TMEM163: variants seen among roughly 807,000 people sequenced by gnomAD.
TMEM163 encodes transmembrane protein 163.
In TMEM163, 17 loss-of-function variants were observed where a neutral mutation model predicts 29.3. The ratio of observed to expected loss-of-function variants is 0.58; its 90% CI spans 0.40 to 0.87. TMEM163 has a LOEUF of 0.87. Ranked by LOEUF, TMEM163 falls within the 40% of genes least tolerant of loss-of-function variation. The pLI, the probability that TMEM163 is intolerant of heterozygous loss-of-function variation, is 0.00. For synonymous variants in TMEM163, 157 were observed against 160.6 expected, an observed-to-expected ratio of 0.98 and a Z score of 0.17; for missense variants, 303 against 381.5, an observed-to-expected ratio of 0.79 and a Z score of 1.71.
chr2:134,462,982 G>C (rs1239880043), intron 6 of TMEM163, among the ~76,000 whole-genome samples: 1 of 152,244 alleles, frequency 6.6e-6, no homozygotes, highest in African/African-American at 2.4e-5. Context: ...CTGCGAGCCA[G>C]AGGGACTTGA....
chr2:134,542,878 G>T (rs1396617777), intron 4 of TMEM163, among the ~76,000 whole-genome samples: 1 of 152,152 alleles, frequency 6.6e-6, no homozygotes, highest in Non-Finnish European at 1.5e-5. Context: ...TTGGCCTGTA[G>T]ATGCATTACT....
intron 2 of TMEM163, among the ~76,000 whole-genome samples, chr2:134,634,127 C>T (rs1441542460): frequency 6.6e-6 from 1 of 151,208 alleles, no homozygotes; most frequent in African/African-American, 2.4e-5. Context: ...CAAACATAGG[C>T]AGCAAAAGTT....
intron 5 of TMEM163, among the ~76,000 whole-genome samples, chr2:134,492,811 T>C (rs961559228): frequency 6.6e-5 from 10 of 152,216 alleles, no homozygotes; most frequent in African/African-American, 2.4e-4. Context: ...AATAAACATT[T>C]GTGTAAGAGT....
chr2:134,490,749 C>A lies in TMEM163; in HGVS notation c.555+12152G>T, dbSNP rs111996126. Among the ~76,000 whole-genome samples, 20 of 152,238 alleles carry A rather than the reference C, an allele frequency of 1.3e-4. 1 individual carries two copies. The highest frequency in any genetic ancestry group is 5.2e-4 in the Admixed American group (8 of 15,300). ...CTCCTATGATAGATGGAGGCTGGAA[C>A]ACATGTCACATGTCACGTAAAGGGG... On this transcript the variant is annotated intron_variant, in intron 5 of 7. Coordinates refer to ENST00000281924, the MANE Select transcript of TMEM163 (RefSeq NM_030923.5).
chr2:134,627,911 G>T (rs1682888226), intron 2 of TMEM163, among the ~76,000 whole-genome samples: 1 of 152,104 alleles, frequency 6.6e-6, no homozygotes, highest in African/African-American at 2.4e-5. Context: ...AATTTAAGAA[G>T]AAATAGAAAT....
chr2:134,682,691 C>T (rs1039320590), intron 2 of TMEM163, among the ~76,000 whole-genome samples: 12 of 152,140 alleles, frequency 7.9e-5, no homozygotes, highest in African/African-American at 1.9e-4. Context: ...TCATTACTGC[C>T]GGGAATACAA....
intron 1 of TMEM163, among the ~76,000 whole-genome samples, chr2:134,718,352 GC>G (rs1685082785): frequency 6.6e-6 from 1 of 152,238 alleles, no homozygotes; most frequent in Admixed American, 6.5e-5. Context: ...GATGCAACGA[GC>G]CTGGGTCCCT....
chr2:134,675,737 G>A (rs576737881), intron 2 of TMEM163, among the ~76,000 whole-genome samples: 1 of 152,188 alleles, frequency 6.6e-6, no homozygotes, highest in Non-Finnish European at 1.5e-5. Flanking sequence ...GCAGCCTCCA[G>A]TGAAACAGCA....
chr2:134,657,299 AAT>A (rs1219321179), intron 2 of TMEM163, among the ~76,000 whole-genome samples: 2 of 152,172 alleles, frequency 1.3e-5, no homozygotes, highest in Non-Finnish European at 2.9e-5. Flanking sequence ...TCAGGATTTC[AAT>A]TTTTTCCTGA....
At chr2:134,463,878 A>G (rs1686605041) in intron 6 of TMEM163, among the ~76,000 whole-genome samples, 1 of 152,206 alleles carries the variant, frequency 6.6e-6, no homozygotes, top group Non-Finnish European at 1.5e-5. Flanking sequence ...ACCTGACGGC[A>G]GCAGGATCCC....
intron 2 of TMEM163, among the ~76,000 whole-genome samples, chr2:134,560,808 T>C (rs2104777186): frequency 6.6e-6 from 1 of 152,284 alleles, no homozygotes. Flanking sequence ...TTGCGTAACA[T>C]GAAATGCACA....
chr2:134,600,336 A>G (rs1682198809), intron 2 of TMEM163, among the ~76,000 whole-genome samples: 2 of 152,292 alleles, frequency 1.3e-5, no homozygotes, highest in Admixed American at 1.3e-4. Context: ...ATGACCCAAC[A>G]ATGGCATAAA....
At chr2:134,682,050 C>T (rs560680467) in intron 2 of TMEM163, among the ~76,000 whole-genome samples, 2 of 152,286 alleles carry the variant, frequency 1.3e-5, no homozygotes, top group South Asian at 2.1e-4. Context: ...AAGGATCCTA[C>T]GTAGTCTTTC....
At chr2:134,712,738 A>G (rs1684952274) in intron 2 of TMEM163, among the ~76,000 whole-genome samples, 1 of 151,928 alleles carries the variant, frequency 6.6e-6, no homozygotes, top group Non-Finnish European at 1.5e-5. Context: ...AGACCCTCCC[A>G]TTTTCCTTTC....
intron 4 of TMEM163, among the ~76,000 whole-genome samples, chr2:134,545,857 T>G (rs1680770406): frequency 6.6e-6 from 1 of 152,232 alleles, no homozygotes; most frequent in African/African-American, 2.4e-5. Flanking sequence ...CTTCTCATCT[T>G]CTAATCAAGA....
At chr2:134,468,798 T>G (rs1686726834) in intron 5 of TMEM163, 1 of 152,244 alleles carries the variant, frequency 6.6e-6, no homozygotes, top group African/African-American at 2.4e-5. Flanking sequence ...CCCATGGCTT[T>G]GGTGGCCCTT....
intron 2 of TMEM163, among the ~76,000 whole-genome samples, chr2:134,647,780 C>T (rs1381975324): frequency 1.3e-5 from 2 of 152,226 alleles, no homozygotes; most frequent in Non-Finnish European, 2.9e-5. Context: ...GCGGACTCCA[C>T]TCATTCAGTC....
chr2:134,466,136 G>A lies in TMEM163; in HGVS notation c.645C>T (p.Thr215=), dbSNP rs1224426715. Residue 215 remains threonine (T), a synonymous_variant, in exon 6 of 8, where the codon ACC becomes ACT. Coordinates refer to ENST00000281924, the MANE Select transcript of TMEM163 (RefSeq NM_030923.5). ...VLKFMLGKVL[T]SRALITDGFN... ...CACCATCTGTTATGAGTGCTCTACT[G>A]GTCAGAACCTTCCCCAGCATGAACT... 6.2e-7 allele frequency: 1 copy of A among 1,613,600 alleles called. No homozygotes were observed. Among genetic ancestry groups the A allele is most frequent in the East Asian group, 2.2e-5 (1 of 44,882 alleles).
chr2:134,596,680 T>C (rs537760852), intron 2 of TMEM163, among the ~76,000 whole-genome samples: 1 of 152,304 alleles, frequency 6.6e-6, no homozygotes, highest in African/African-American at 2.4e-5. Context: ...GGGGATGGCA[T>C]TGAATCTATA....
Sources: gnomAD v4.1 joint callset for allele counts (sites outside exome capture counted in the v4.1 genomes callset) on GRCh38, gnomAD v4.1.1 for gene constraint, MANE v1.5 for transcripts, NCBI Gene and HGNC (gene_info 2026-07-23, HGNC 2026-07-21) for gene names.